Variants in AGBL4 observed in about 807,000 individuals in gnomAD.
AGBL4 encodes the protein AGBL carboxypeptidase 4.
In AGBL4, 58 loss-of-function variants were observed where a neutral mutation model predicts 66.4. The observed-to-expected ratio is 0.87, with a 90% CI of 0.71 to 1.09. The LOEUF (loss-of-function observed/expected upper bound fraction) is 1.09. AGBL4 is among the 50% of genes least tolerant of loss of function. The pLI, the probability that AGBL4 is intolerant of heterozygous loss-of-function variation, is 0.00. For synonymous variants in AGBL4, 234 were observed against 222.9 expected (o/e 1.05, Z -0.44); for missense variants, 579 against 631.0 (o/e 0.92, Z 0.88).
rs570473315 is a variant in AGBL4, at chr1:49,147,747, T to A, written c.377+98023A>T. ...GAGAAATAAGATGTTGATGTATAAATGAAATTATGAAAAAAACATCTAATG... is the reference window on the plus strand; with the variant it reads ...GAGAAATAAGATGTTGATGTATAAAAGAAATTATGAAAAAAACATCTAATG... On this transcript the variant is annotated intron_variant, in intron 4 of 13. Coordinates refer to ENST00000371839, the MANE Select transcript of AGBL4 (RefSeq NM_032785.4). 5.3e-5 allele frequency among the ~76,000 whole-genome samples: 8 copies of A among 151,904 alleles called. No homozygotes were observed. In the East Asian group the frequency reaches 1.4e-3, roughly 26 times the overall value.
chr1:49,193,607 A>C (rs978412946), intron 4 of AGBL4, among the ~76,000 whole-genome samples: 1 of 151,512 alleles, frequency 6.6e-6, no homozygotes, highest in Non-Finnish European at 1.5e-5. Context: ...TGCTCACTGC[A>C]AGCTCCGCCT....
intron 4 of AGBL4, among the ~76,000 whole-genome samples, chr1:49,188,366 T>C (rs1000401299): frequency 3.3e-5 from 5 of 152,162 alleles, no homozygotes; most frequent in Non-Finnish European, 7.3e-5. Flanking sequence ...GCACATTTTA[T>C]TGTCATAGAC....
chr1:49,387,534 T>G (rs1476216444), intron 3 of AGBL4, among the ~76,000 whole-genome samples: 1 of 151,900 alleles, frequency 6.6e-6, no homozygotes, highest in East Asian at 1.9e-4. Flanking sequence ...TCCATTGAGA[T>G]TTTAAGTAAT....
rs920066905 is a variant in AGBL4 at position 48,638,741 on chromosome 1, C to T, written c.840-4137G>A. ...CATGAATTCCTCAAGAGCAAGGATG[C>T]CATCTTATTCATGTTGGTATTCCTG... On this transcript the variant is annotated intron_variant, in intron 8 of 13. Transcript: ENST00000371839. Among the ~76,000 whole-genome samples, 3 of 152,308 alleles carry T rather than the reference C, an allele frequency of 2.0e-5. No homozygotes were observed. The East Asian group carries it at 5.8e-4, about 29-fold the overall frequency.
chr1:49,663,924 C>A (rs1177009755), intron 3 of AGBL4, among the ~76,000 whole-genome samples: 1 of 151,738 alleles, frequency 6.6e-6, no homozygotes, highest in Admixed American at 6.6e-5. Flanking sequence ...CAGTTTGAAG[C>A]AACAGAGAGG....
At chr1:49,037,434 C>T (rs1408136259) in intron 5 of AGBL4, among the ~76,000 whole-genome samples, 1 of 152,010 alleles carries the variant, frequency 6.6e-6, no homozygotes, top group Admixed American at 6.6e-5. Context: ...TTGCTTGGTT[C>T]CTAGCTTCCC....
intron 6 of AGBL4, among the ~76,000 whole-genome samples, chr1:48,675,314 G>A (rs2148472463): frequency 6.6e-6 from 1 of 152,294 alleles, no homozygotes; most frequent in South Asian, 2.1e-4. Context: ...GGAGCTCAAG[G>A]ATGGGGGAAA....
chr1:48,836,259 T>A (rs1400216042), intron 6 of AGBL4, among the ~76,000 whole-genome samples: 1 of 132,462 alleles, frequency 7.5e-6, no homozygotes, highest in Non-Finnish European at 1.6e-5. Context: ...GGCCTCAGCA[T>A]CCCTCTCACC....
chr1:49,607,547 C>G (rs528788091), intron 3 of AGBL4, among the ~76,000 whole-genome samples: 1 of 152,206 alleles, frequency 6.6e-6, no homozygotes, highest in South Asian at 2.1e-4. Context: ...TTTGCCTCTT[C>G]TAGGAGGCAT....
Position 49,129,292 on chromosome 1 carries a change from T to G in AGBL4, c.378-83492A>C, listed in dbSNP as rs536517373. On this transcript the variant is annotated intron_variant, in intron 4 of 13. Transcript: ENST00000371839. ...TGTACTAATGACTGTTTTTGTTTTTTTTGTTGTTGTTGTTGTTTTTTCATT... is the reference window on the plus strand; with the variant it reads ...TGTACTAATGACTGTTTTTGTTTTTGTTGTTGTTGTTGTTGTTTTTTCATT... Among the ~76,000 whole-genome samples, 415 of 151,570 alleles carry G rather than the reference T, an allele frequency of 2.7e-3. 4 individuals carry two copies. The highest frequency in any genetic ancestry group is 9.7e-3 in the African/African-American group (401 of 41,438).
At chr1:49,122,360 T>G (rs1291457561) in intron 4 of AGBL4, among the ~76,000 whole-genome samples, 1 of 152,182 alleles carries the variant, frequency 6.6e-6, no homozygotes, top group Non-Finnish European at 1.5e-5. Flanking sequence ...CCCACATTTT[T>G]TTTTCTTAGT....
intron 3 of AGBL4, among the ~76,000 whole-genome samples, chr1:49,596,494 T>G (rs1054270796): frequency 1.3e-5 from 2 of 152,158 alleles, no homozygotes; most frequent in Non-Finnish European, 2.9e-5. Flanking sequence ...TAAACACTTA[T>G]CAGTAACAGC....
At chr1:49,024,001 T>C (rs1663445219) in intron 5 of AGBL4, among the ~76,000 whole-genome samples, 1 of 152,140 alleles carries the variant, frequency 6.6e-6, no homozygotes, top group Non-Finnish European at 1.5e-5. Flanking sequence ...GAGAGGTAAA[T>C]GCTAGTAACT....
chr1:49,514,675 G>T (rs905718524), intron 3 of AGBL4, among the ~76,000 whole-genome samples: 7 of 152,028 alleles, frequency 4.6e-5, no homozygotes, highest in Non-Finnish European at 7.4e-5. Context: ...CATGGTACTG[G>T]TACCAAAACA....
chr1:48,769,572 A>ACACAC (rs1553230018), intron 6 of AGBL4, among the ~76,000 whole-genome samples: 3 of 62,680 alleles, frequency 4.8e-5, no homozygotes, highest in Non-Finnish European at 8.0e-5. Flanking sequence ...CACACACACA[A>ACACAC]GTTAAATTTT....
At chr1:49,275,123 C>T (rs1046556147) in intron 3 of AGBL4, among the ~76,000 whole-genome samples, 5 of 152,014 alleles carry the variant, frequency 3.3e-5, no homozygotes, top group African/African-American at 7.2e-5. Flanking sequence ...AGTTATTTTA[C>T]CAAGACTTTG....
intron 3 of AGBL4, among the ~76,000 whole-genome samples, chr1:49,348,935 A>T (rs1284370164): frequency 6.6e-6 from 1 of 152,230 alleles, no homozygotes; most frequent in Non-Finnish European, 1.5e-5. Flanking sequence ...TAATGATAGC[A>T]AACCTATCTT....
chr1:48,603,198 G>GCA (rs1279323442), intron 9 of AGBL4, among the ~76,000 whole-genome samples: 1 of 152,200 alleles, frequency 6.6e-6, no homozygotes, highest in Non-Finnish European at 1.5e-5. Context: ...GGGGCCCAGC[G>GCA]CAGTGGCTCA....
intron 1 of AGBL4, among the ~76,000 whole-genome samples, chr1:49,862,876 A>G (rs1005207704): frequency 1.3e-5 from 2 of 152,210 alleles, no homozygotes; most frequent in Non-Finnish European, 2.9e-5. Flanking sequence ...TCAACACCAG[A>G]CCTCTCCTAT....
Sources: allele counts gnomAD v4.1 joint callset (sites outside exome capture counted in the v4.1 genomes callset), GRCh38; gene constraint gnomAD v4.1.1; transcripts MANE v1.5; gene names NCBI Gene and HGNC (gene_info 2026-07-23, HGNC 2026-07-21).